The following CD163 variants were observed in gnomAD, a reference collection of about 807,000 sequenced individuals.
CD163 encodes the protein CD163 molecule.
Under a neutral mutation model 129.2 loss-of-function variants are expected in CD163, and 64 were observed. That is an observed-to-expected ratio of 0.50 (90% CI 0.41 to 0.61). The LOEUF is 0.61. Among genes scored for constraint, CD163 ranks in the 20% least tolerant of loss-of-function variants. The probability of loss-of-function intolerance (pLI) is 0.00; values close to 1 mark genes in which losing one functional copy is unlikely to be tolerated. For missense variants in CD163, 1,061 were observed against 1,377.9 expected (o/e 0.77, Z 3.64); for synonymous variants, 446 against 478.5 (o/e 0.93, Z 0.89).
At chr12:7,480,124 G>A (rs765673053) in intron 15 of CD163, 2 of 789,516 alleles carry the variant, frequency 2.5e-6, no homozygotes, top group Non-Finnish European at 3.9e-6. Context: ...AAGGGGCAGA[G>A]AAAGTCTTTC....
intron 14 of CD163, 94 bp from the exon 15 acceptor site, chr12:7,481,350 C>T (rs1342421586): frequency 1.5e-5 from 13 of 851,536 alleles, no homozygotes; most frequent in Non-Finnish European, 2.4e-5. Context: ...AAACATACCT[C>T]GTCTTTATCC....
intron 16 of CD163, among the ~76,000 whole-genome samples, chr12:7,475,097 C>CAAAAAAAAAAAAAAAAA (rs58901449): frequency 7.4e-5 from 7 of 94,018 alleles, no homozygotes; most frequent in African/African-American, 3.1e-4. Flanking sequence ...GCCTACCAAC[C>CAAAAAAAAAAAAAAAAA]AAAAAAAAAA....
chr12:7,503,592 A>T, intron 1 of CD163, 53 bp downstream of exon 1: 4 of 1,196,740 alleles, frequency 3.3e-6, no homozygotes, highest in Non-Finnish European at 4.9e-6. Flanking sequence ...GACTGTCATA[A>T]TAATTACATA....
chr12:7,502,773 C>T (rs1407797235), intron 1 of CD163: 4 of 593,670 alleles, frequency 6.7e-6, no homozygotes, highest in Non-Finnish European at 1.2e-5. Flanking sequence ...TTATAGGCAA[C>T]CTAGAGGTGA....
intron 3 of CD163, among the ~76,000 whole-genome samples, chr12:7,500,643 C>A (rs1036776830): frequency 5.3e-5 from 8 of 151,962 alleles, no homozygotes; most frequent in African/African-American, 1.5e-4. Context: ...ACTGGTCAAG[C>A]AATTATACTT....
At position 7,496,519 on chromosome 12, in the gene CD163, A is replaced by G. The variant is rs1949403807; in HGVS notation, c.1099+294T>C. On this transcript the variant is annotated intron_variant, in intron 5 of 16. Transcript: ENST00000432237. This position sits in a 1 kb window ranked among gnomAD's most constrained non-coding sequence, Gnocchi z 4.8. ...AATAAGTAAATTAAAAAAATTTAAA[A>G]ACAGATTCCTAGGAAATTTTGTCTC... 6.6e-6 allele frequency among the ~76,000 whole-genome samples: 1 copy of G among 152,198 alleles called. No individual in the cohort carries two copies.
At chr12:7,501,499 C>A in intron 2 of CD163, 37 bp from the exon 3 acceptor site, 2 of 1,511,422 alleles carry the variant, frequency 1.3e-6, no homozygotes, top group South Asian at 1.1e-5. Flanking sequence ...TGGCCAAGGT[C>A]GCAAAGAGCA....
rs187597095 is a variant in CD163 at position 7,503,305 on chromosome 12, A to G, written c.46+340T>C. Among the ~76,000 whole-genome samples, 266 of 152,358 alleles carry G rather than the reference A, an allele frequency of 1.7e-3. 1 individual carries two copies. The highest frequency in any genetic ancestry group is 2.7e-3 in the Non-Finnish European group (186 of 68,030). On this transcript the variant is annotated intron_variant, in intron 1 of 16. Coordinates refer to ENST00000432237, the MANE Select transcript of CD163 (RefSeq NM_203416.4). The stretch of plus-strand genomic sequence containing the variant: ...ATAGATAACTCACTTATCAGAGTAG[A>G]TAACTTTCTTTATGTAATTAACTCT...
chr12:7,502,396 G>C, intron 2 of CD163, 82 bp downstream of exon 2: 1 of 830,686 alleles, frequency 1.2e-6, no homozygotes, highest in South Asian at 1.4e-5. Flanking sequence ...GATGCTACTT[G>C]GCCTTCAGAA....
intron 6 of CD163, among the ~76,000 whole-genome samples, chr12:7,493,824 A>G (rs985255076): frequency 2.0e-5 from 3 of 152,310 alleles, no homozygotes; most frequent in Admixed American, 2.0e-4. Context: ...TAATTTTTTA[A>G]AATCCAAATA....
At chr12:7,492,199 T>C (rs1271751321) in intron 6 of CD163, among the ~76,000 whole-genome samples, 1 of 151,984 alleles carries the variant, frequency 6.6e-6, no homozygotes, top group African/African-American at 2.4e-5. Context: ...CCTACAGCAA[T>C]ATAACAAAAG....
chr12:7,481,657 C>A (rs911220208), intron 14 of CD163, among the ~76,000 whole-genome samples: 1 of 152,158 alleles, frequency 6.6e-6, no homozygotes, highest in Admixed American at 6.6e-5. Flanking sequence ...CTCCTTCAAT[C>A]CTCCTAGATC....
At position 7,501,354 on chromosome 12, in the gene CD163, C is replaced by T; in HGVS notation, c.242G>A (p.Ser81Asn). 6.2e-7 allele frequency: 1 copy of T among 1,614,150 alleles called. No homozygotes were observed. Among genetic ancestry groups the T allele is most frequent in the Non-Finnish European group, 8.5e-7 (1 of 1,180,016 alleles). The change falls in exon 3 of 17, where the codon AGC becomes AAC. Residue 81 changes from serine (S) to asparagine (N), a missense_variant. Coordinates refer to ENST00000432237, the MANE Select transcript of CD163 (RefSeq NM_203416.4). ...ACAAATCACAGAGACCGCTTCCATG[C>T]TCCAGCCATTATTACACACCGTTCC... The part of the protein sequence containing the change: ...EWGTVCNNGW[S>N]MEAVSVICNQ...
At position 7,497,107 on chromosome 12, in the gene CD163, C is replaced by CCAGT. The variant is rs1303301566; in HGVS notation, c.801_804dup (p.Val269ThrfsTer7). 2 of 1,613,936 alleles carry CCAGT rather than the reference C, an allele frequency of 1.2e-6. No homozygotes were observed. The highest frequency in any genetic ancestry group is 1.7e-6 in the Non-Finnish European group (2 of 1,179,960). The stretch of plus-strand genomic sequence containing the variant: ...CCTGAACATTCAGTGACTCCATCTA[C>CCAGT]CAGTCTCAGGCTCAGATCTGCTCCC... On this transcript the variant is annotated frameshift_variant, in exon 5 of 17. Coordinates refer to ENST00000432237, the MANE Select transcript of CD163 (RefSeq NM_203416.4). LOFTEE classifies it high-confidence loss of function.
In CD163 at chr12:7,496,718, T is replaced by G; in HGVS notation, c.1099+95A>C. 1 of 1,020,448 alleles carries G rather than the reference T, an allele frequency of 9.8e-7. No homozygotes were observed. Among genetic ancestry groups the G allele is most frequent in the Admixed American group, 2.1e-5 (1 of 47,372 alleles). The allele number at this position is 1,020,448 out of a possible 1,614,324, so 63.2% of individuals were successfully genotyped here. ...GAATTTACTAGGCATTTCTACTTCT[T>G]AAGGAGCACGTTCCTACTCTTAAGG... On this transcript the variant is annotated intron_variant, in intron 5 of 16. Transcript: ENST00000432237. This position sits in a 1 kb window ranked among gnomAD's most constrained non-coding sequence, Gnocchi z 4.8.
At chr12:7,500,103 G>A (rs1248276673) in intron 3 of CD163, among the ~76,000 whole-genome samples, 3 of 151,952 alleles carry the variant, frequency 2.0e-5, no homozygotes, top group Non-Finnish European at 4.4e-5. Flanking sequence ...GAGAGAGGCT[G>A]GGAGGTGAGA....
At chr12:7,479,553 G>T (rs778712734) in intron 16 of CD163, among the ~76,000 whole-genome samples, 1 of 152,030 alleles carries the variant, frequency 6.6e-6, no homozygotes, top group Non-Finnish European at 1.5e-5. Context: ...TGTATAATAT[G>T]TCTTATCTTT....
intron 5 of CD163, 58 bp from the exon 6 acceptor site, chr12:7,495,459 A>AT (rs200075567): frequency 7.6e-4 from 1,125 of 1,482,490 alleles, no homozygotes; most frequent in African/African-American, 6.5e-3. Flanking sequence ...CTTCCAGAGG[A>AT]TTTTTTTTTG....
At chr12:7,500,730 A>G (rs1949472936) in intron 3 of CD163, among the ~76,000 whole-genome samples, 1 of 152,218 alleles carries the variant, frequency 6.6e-6, no homozygotes, top group African/African-American at 2.4e-5. Context: ...TAAGTTGATT[A>G]TCAGTTAATG....
Sources: allele counts gnomAD v4.1 joint callset (sites outside exome capture counted in the v4.1 genomes callset), GRCh38; gene constraint gnomAD v4.1.1; non-coding constraint Gnocchi (gnomAD v3.1); transcripts MANE v1.5; gene names NCBI Gene and HGNC (gene_info 2026-07-23, HGNC 2026-07-21).